DOCK2: variants seen among roughly 807,000 people sequenced by gnomAD.
DOCK2 encodes the protein dedicator of cytokinesis 2.
Under a neutral mutation model 248.9 loss-of-function variants are expected in DOCK2, and 87 were observed. The ratio of observed to expected loss-of-function variants is 0.35; its 90% CI spans 0.29 to 0.42. The LOEUF (loss-of-function observed/expected upper bound fraction) is 0.42, where lower values mean the gene tolerates loss of function less well. Among genes scored for constraint, DOCK2 ranks in the 10% least tolerant of loss-of-function variants. The pLI, the probability that DOCK2 is intolerant of heterozygous loss-of-function variation, is 1.00. For missense variants in DOCK2, 1,747 were observed against 2,300.2 expected (o/e 0.76, Z 4.92); for synonymous variants, 805 against 821.6 (o/e 0.98, Z 0.35).
At chr5:169,698,315 T>C in intron 10 of DOCK2, 59 bp from the exon 11 acceptor site, 1 of 1,558,538 alleles carries the variant, frequency 6.4e-7, no homozygotes. Context: ...CATCCCACTG[T>C]CATCCCTTAT....
chr5:169,841,481 C>G (rs755800311), intron 27 of DOCK2: 76 of 983,382 alleles, frequency 7.7e-5, no homozygotes, highest in Non-Finnish European at 9.1e-5. Flanking sequence ...AGGGGCCAGT[C>G]ACCAACATAA....
intron 2 of DOCK2, among the ~76,000 whole-genome samples, chr5:169,654,832 A>AAGC (rs1758013970): frequency 6.6e-6 from 1 of 152,210 alleles, no homozygotes; most frequent in African/African-American, 2.4e-5. Context: ...AGGGTCCCAT[A>AAGC]AATCACACCT....
chr5:170,042,186 T>C, intron 38 of DOCK2, 54 bp downstream of exon 38: 1 of 1,540,796 alleles, frequency 6.5e-7, no homozygotes. Context: ...GAAGGATGGT[T>C]CTCTCCCATA....
chr5:169,729,443 T>C (rs1008061893), intron 22 of DOCK2, among the ~76,000 whole-genome samples: 3 of 152,200 alleles, frequency 2.0e-5, no homozygotes, highest in Non-Finnish European at 2.9e-5. Context: ...ATGGTCACTG[T>C]CCTTCAAGTC....
intron 25 of DOCK2, among the ~76,000 whole-genome samples, chr5:169,791,511 G>A (rs912981798): frequency 6.6e-6 from 1 of 152,208 alleles, no homozygotes; most frequent in Admixed American, 6.5e-5. Context: ...AACAGACCAA[G>A]CTATCCAGGT....
At chr5:169,964,798 T>C (rs1202717957) in intron 27 of DOCK2, among the ~76,000 whole-genome samples, 1 of 152,234 alleles carries the variant, frequency 6.6e-6, no homozygotes, top group East Asian at 1.9e-4. Context: ...GTAAAAGGTG[T>C]ATAATAATGG....
At chr5:169,645,724 G>A (rs1485910959) in intron 1 of DOCK2, among the ~76,000 whole-genome samples, 1 of 152,014 alleles carries the variant, frequency 6.6e-6, no homozygotes, top group Non-Finnish European at 1.5e-5. Context: ...TATTGCCTAG[G>A]TTTTCTTCTA....
chr5:169,855,001 G>C (rs550944629), intron 27 of DOCK2, among the ~76,000 whole-genome samples: 9 of 152,216 alleles, frequency 5.9e-5, no homozygotes, highest in African/African-American at 1.7e-4. Context: ...GCAACTTACT[G>C]TCTGGCATCG....
At chr5:170,047,480 G>T (rs1756756037) in intron 39 of DOCK2, 30 bp from the exon 40 acceptor site, 3 of 1,606,064 alleles carry the variant, frequency 1.9e-6, no homozygotes, top group Admixed American at 1.7e-5. Flanking sequence ...ACACATCTGT[G>T]TTGCAACAAA....
chr5:169,988,740 G>C (rs569642337), intron 29 of DOCK2, among the ~76,000 whole-genome samples: 2 of 152,084 alleles, frequency 1.3e-5, no homozygotes, highest in African/African-American at 4.8e-5. Flanking sequence ...TTGAACTCCC[G>C]ACCTCAGGTG....
intron 29 of DOCK2, among the ~76,000 whole-genome samples, chr5:169,994,556 TG>T: frequency 6.6e-6 from 1 of 152,186 alleles, no homozygotes; most frequent in East Asian, 1.9e-4. Flanking sequence ...CACTTAAGGC[TG>T]GTGGGATGGT....
At chr5:170,024,754 A>G (rs10035954) in intron 33 of DOCK2, among the ~76,000 whole-genome samples, 89,865 of 152,064 alleles carry the variant, frequency 0.59, 28,775 homozygotes, top group African/African-American at 0.85. Flanking sequence ...TCAATGCCAC[A>G]GACTGTGAGC....
chr5:169,858,400 A>T (rs949436464), intron 27 of DOCK2, among the ~76,000 whole-genome samples: 1 of 152,026 alleles, frequency 6.6e-6, no homozygotes, highest in Non-Finnish European at 1.5e-5. Flanking sequence ...CTGGGCAGGG[A>T]GGGTGGTGTA....
At chr5:170,003,189 T>C (rs140189797) in intron 30 of DOCK2, among the ~76,000 whole-genome samples, 132 of 152,372 alleles carry the variant, frequency 8.7e-4, no homozygotes, top group Non-Finnish European at 1.5e-3. Flanking sequence ...CTATAGTGGA[T>C]GCCTCGTTCT....
chr5:169,655,779 A>G (rs1332293901), intron 2 of DOCK2, among the ~76,000 whole-genome samples: 1 of 152,258 alleles, frequency 6.6e-6, no homozygotes, highest in Non-Finnish European at 1.5e-5. Context: ...ACCAAAAAAC[A>G]TACAGAAAAC....
chr5:169,665,401 CTT>C (rs1758663133), intron 2 of DOCK2, among the ~76,000 whole-genome samples: 1 of 149,342 alleles, frequency 6.7e-6, no homozygotes, highest in East Asian at 2.0e-4. Flanking sequence ...AGTGGGAGAA[CTT>C]ATATATGTGT....
chr5:169,653,567 G>A (rs1263879623), intron 1 of DOCK2, among the ~76,000 whole-genome samples: 3 of 152,198 alleles, frequency 2.0e-5, no homozygotes, highest in Non-Finnish European at 4.4e-5. Flanking sequence ...TCCTTCCCTT[G>A]CGTAGCCCTC....
At chr5:169,910,879 A>T (rs764587789) in intron 27 of DOCK2, among the ~76,000 whole-genome samples, 14 of 152,182 alleles carry the variant, frequency 9.2e-5, no homozygotes, top group Non-Finnish European at 1.9e-4. Flanking sequence ...TTTCTCCTGC[A>T]GGGGGTTGGT....
chr5:169,900,192 G>A (rs1561807393), intron 27 of DOCK2, among the ~76,000 whole-genome samples: 1 of 152,162 alleles, frequency 6.6e-6, no homozygotes, highest in Non-Finnish European at 1.5e-5. Flanking sequence ...ACGGTAAGAC[G>A]CAAGCTTTAA....
Sources: gnomAD v4.1 joint callset for allele counts (sites outside exome capture counted in the v4.1 genomes callset) on GRCh38, gnomAD v4.1.1 for gene constraint, MANE v1.5 for transcripts, NCBI Gene and HGNC (gene_info 2026-07-23, HGNC 2026-07-21) for gene names.